The following PDGFRL variants were observed in gnomAD, a reference collection of about 807,000 sequenced individuals.
PDGFRL encodes platelet-derived growth factor receptor-like protein.
A neutral mutation model predicts 37.2 loss-of-function variants in PDGFRL; 46 were observed. The ratio of observed to expected loss-of-function variants is 1.24; its 90% CI spans 0.98 to 1.58. The LOEUF is 1.58. PDGFRL is among the 40% of genes most tolerant of loss of function. The pLI, the probability that PDGFRL is intolerant of heterozygous loss-of-function variation, is 0.00. For missense variants in PDGFRL, 692 were observed against 467.6 expected (o/e 1.48, Z -4.43); for synonymous variants, 251 against 184.3 (o/e 1.36, Z -2.93).
At chr8:17,638,395 T>A (rs954413952) in intron 5 of PDGFRL, among the ~76,000 whole-genome samples, 4 of 152,110 alleles carry the variant, frequency 2.6e-5, no homozygotes, top group Admixed American at 2.6e-4. Context: ...TATTCCACCG[T>A]GGTCTGAGAG....
intron 2 of PDGFRL, among the ~76,000 whole-genome samples, chr8:17,611,575 G>C (rs1403318168): frequency 6.6e-6 from 1 of 152,116 alleles, no homozygotes; most frequent in South Asian, 2.1e-4. Flanking sequence ...TGCGTGGAGG[G>C]CTCAGAGGTG....
chr8:17,634,328 C>T, intron 5 of PDGFRL, 115 bp downstream of exon 5: 12 of 775,658 alleles, frequency 1.5e-5, no homozygotes, highest in Non-Finnish European at 2.5e-5. Flanking sequence ...TTCAGAAGTG[C>T]AAGAAACATG....
chr8:17,629,498 TGTACCCATTGCCACCTGCCAAC>T (rs1804816459), intron 4 of PDGFRL, among the ~76,000 whole-genome samples: 1 of 152,146 alleles, frequency 6.6e-6, no homozygotes, highest in South Asian at 2.1e-4. Context: ...GCATCCTTCT[TGTACCCATTGCCACCTGCCAAC>T]CCTCATTCTC....
chr8:17,586,672 A>T (rs1353605778), intron 1 of PDGFRL, among the ~76,000 whole-genome samples: 2 of 151,828 alleles, frequency 1.3e-5, no homozygotes, highest in Non-Finnish European at 2.9e-5. Context: ...TTAGCTAGCA[A>T]TCACTTACTG....
At chr8:17,622,728 G>A (rs1292498654) in intron 3 of PDGFRL, among the ~76,000 whole-genome samples, 1 of 152,136 alleles carries the variant, frequency 6.6e-6, no homozygotes, top group Non-Finnish European at 1.5e-5. Flanking sequence ...GCAAAAAGAG[G>A]GGTCCTGAAA....
At chr8:17,590,425 T>C (rs1308652854) in intron 2 of PDGFRL, among the ~76,000 whole-genome samples, 1 of 151,722 alleles carries the variant, frequency 6.6e-6, no homozygotes, top group African/African-American at 2.4e-5. Flanking sequence ...AAATTCATAT[T>C]GTGTGGCCAG....
chr8:17,596,418 T>G, intron 2 of PDGFRL: 1 of 665,166 alleles, frequency 1.5e-6, no homozygotes, highest in Non-Finnish European at 2.1e-6. Flanking sequence ...TTCACCAAAG[T>G]CAGATTCATG....
chr8:17,590,753 C>T (rs1803919570), intron 2 of PDGFRL, among the ~76,000 whole-genome samples: 1 of 151,916 alleles, frequency 6.6e-6, no homozygotes, highest in African/African-American at 2.4e-5. Flanking sequence ...TTAATGGACT[C>T]AATGTTTTAT....
upstream of PDGFRL, chr8:17,576,584 C>T (rs1170423327): frequency 1.6e-5 from 4 of 257,382 alleles, no homozygotes; most frequent in East Asian, 1.8e-4. Flanking sequence ...TACCCTAATT[C>T]CCTGTTCTCC....
intron 2 of PDGFRL, among the ~76,000 whole-genome samples, chr8:17,610,549 G>A (rs941260894): frequency 7.2e-5 from 11 of 152,136 alleles, no homozygotes; most frequent in African/African-American, 2.7e-4. Context: ...TTCTCAACCT[G>A]TAGTGTGAGT....
chr8:17,595,965 T>C (rs559694565), intron 2 of PDGFRL, among the ~76,000 whole-genome samples: 1 of 152,192 alleles, frequency 6.6e-6, no homozygotes, highest in Non-Finnish European at 1.5e-5. Context: ...GAGCCTCCAG[T>C]GGGTGAAACC....
chr8:17,590,256 A>AAAAAAAAAAAAAT (rs1803908545), intron 2 of PDGFRL, among the ~76,000 whole-genome samples: 1 of 147,028 alleles, frequency 6.8e-6, no homozygotes, highest in Non-Finnish European at 1.5e-5. Flanking sequence ...AAAAAAAAAA[A>AAAAAAAAAAAAAT]TTGCAAATCC....
At chr8:17,636,031 G>A in intron 5 of PDGFRL, among the ~76,000 whole-genome samples, 1 of 152,200 alleles carries the variant, frequency 6.6e-6, no homozygotes, top group East Asian at 1.9e-4. Context: ...TTTTTCAGAT[G>A]TATGGATTGC....
intron 2 of PDGFRL, among the ~76,000 whole-genome samples, chr8:17,616,432 A>G (rs1350998035): frequency 6.6e-6 from 1 of 151,988 alleles, no homozygotes; most frequent in African/African-American, 2.4e-5. Flanking sequence ...TGACGTCGTG[A>G]TCCACCCACC....
rs763136695 is a variant in PDGFRL at position 17,589,648 on chromosome 8, A to G, written c.236A>G (p.Lys79Arg). 2.5e-6 allele frequency: 4 copies of G among 1,613,892 alleles called. 1 individual carries two copies. In the South Asian group the frequency reaches 4.4e-5, roughly 18 times the overall value. Reference sequence around the variant, plus strand: ...GTGCTGGATAAAGGTCGCTTCCAGAAACCCGCCGCTACCCTGAGTCTGCTG... The same window carrying G: ...GTGCTGGATAAAGGTCGCTTCCAGAGACCCGCCGCTACCCTGAGTCTGCTG... ...MQVLDKGRFQ[K>R]PAATLSLLAG... The change falls in exon 2 of 6, where the codon AAA becomes AGA. Residue 79 changes from lysine to arginine, a missense_variant. By Grantham distance (26) the Lys-to-Arg change is conservative. Transcript: ENST00000251630.
chr8:17,577,331 C>T (rs1203473862), intron 1 of PDGFRL, 24 bp downstream of exon 1: 3 of 1,600,340 alleles, frequency 1.9e-6, no homozygotes, highest in African/African-American at 2.7e-5. Context: ...GGCGCGGGGC[C>T]ACCTAGCTTG....
chr8:17,596,383 A>G, intron 2 of PDGFRL: 1 of 1,108,696 alleles, frequency 9.0e-7, no homozygotes, highest in East Asian at 3.0e-5. Flanking sequence ...TGCCTCCAAT[A>G]CCACGTACAT....
chr8:17,584,601 T>C (rs1396775576), intron 1 of PDGFRL, among the ~76,000 whole-genome samples: 2 of 152,050 alleles, frequency 1.3e-5, no homozygotes, highest in African/African-American at 2.4e-5. Flanking sequence ...CTGCGAGCCA[T>C]GTGAATCGAG....
chr8:17,584,906 G>A (rs765339386), intron 1 of PDGFRL, among the ~76,000 whole-genome samples: 2 of 152,102 alleles, frequency 1.3e-5, no homozygotes, highest in African/African-American at 2.4e-5. Context: ...CATAGGCAGA[G>A]CAGCGGCATG....
Sources: gnomAD v4.1 joint callset for allele counts (sites outside exome capture counted in the v4.1 genomes callset) on GRCh38, gnomAD v4.1.1 for gene constraint, MANE v1.5 for transcripts, NCBI Gene and HGNC (gene_info 2026-07-23, HGNC 2026-07-21) for gene names.